OSCP1: variants seen among roughly 807,000 people sequenced by gnomAD.
The protein encoded by OSCP1 is organic solute carrier partner 1, also known as protein OSCP1.
In OSCP1, 35 loss-of-function variants were observed where a neutral mutation model predicts 45.1. That is an observed-to-expected ratio of 0.78 (90% confidence interval 0.59 to 1.03). OSCP1 has a LOEUF of 1.03. Ranked by LOEUF, OSCP1 falls within the 50% of genes least tolerant of loss-of-function variation. OSCP1 has a pLI of 0.00. For missense variants in OSCP1, 400 were observed against 470.7 expected (o/e 0.85, Z 1.39); for synonymous variants, 179 against 180.1 (o/e 0.99, Z 0.05).
At chr1:36,422,074 G>T in intron 7 of OSCP1, 76 bp downstream of exon 7, 2 of 1,400,394 alleles carry the variant, frequency 1.4e-6, no homozygotes, top group Non-Finnish European at 2.0e-6. Context: ...AATCTAAAGC[G>T]TTCTCACCTC....
intron 9 of OSCP1, 87 bp from the exon 10 acceptor site, chr1:36,418,342 C>T: frequency 8.7e-7 from 1 of 1,154,484 alleles, no homozygotes; most frequent in East Asian, 2.4e-5. Context: ...GTTTTTTGTC[C>T]CATGACTGAT....
intron 1 of OSCP1, among the ~76,000 whole-genome samples, chr1:36,441,632 G>A (rs1215992434): frequency 6.6e-6 from 1 of 150,544 alleles, no homozygotes; most frequent in Non-Finnish European, 1.5e-5. Context: ...GGCGCCTGCA[G>A]TCCCAGCTAC....
chr1:36,443,756 T>C (rs1458089949), intron 1 of OSCP1, among the ~76,000 whole-genome samples: 1 of 152,230 alleles, frequency 6.6e-6, no homozygotes, highest in Non-Finnish European at 1.5e-5. Flanking sequence ...AAAGGAGACA[T>C]ATCCCTCAAG....
chr1:36,448,998 G>A (rs1649708114), intron 1 of OSCP1, among the ~76,000 whole-genome samples: 1 of 152,188 alleles, frequency 6.6e-6, no homozygotes, highest in Admixed American at 6.5e-5. Context: ...GTATGTTATA[G>A]GGAGTTATTT....
intron 2 of OSCP1, among the ~76,000 whole-genome samples, chr1:36,434,544 G>A (rs531663387): frequency 5.3e-5 from 8 of 152,226 alleles, no homozygotes; most frequent in African/African-American, 1.7e-4. Flanking sequence ...GAGGTCAGGA[G>A]TTCGAGACCA....
chr1:36,422,169 T>A lies in OSCP1; in HGVS notation c.800A>T (p.Asn267Ile). ...VETHVSGSSK[N>I]LASWTQESIA... is the part of the protein sequence containing the mutation. ...GCTCACCTGGGTCCATGAGGCTAAG[T>A]TCTTTGATGATCCAGACACATGAGT... The change falls in exon 7 of 10, where the codon AAC becomes ATC. Residue 267 changes from asparagine (N) to isoleucine (I), a missense_variant. Transcript: ENST00000235532. 6.2e-7 allele frequency: 1 copy of A among 1,614,126 alleles called. No individual in the cohort carries two copies. Among genetic ancestry groups the A allele is most frequent in the Non-Finnish European group, 8.5e-7 (1 of 1,179,992 alleles).
rs1649585188 is a variant in OSCP1, at chr1:36,447,030, C to A, written c.112+3228G>T. ...AACATCTGCCTTGGCCTTGTGGGAA[C>A]AGGGATGGCCTCCAGGAGACCAATT... On this transcript the variant is annotated intron_variant, in intron 1 of 9. Transcript: ENST00000235532. The surrounding 1 kb of genome is among the most constrained non-coding windows in gnomAD (Gnocchi z 4.1). 6.6e-6 allele frequency among the ~76,000 whole-genome samples: 1 copy of A among 152,166 alleles called. No individual in the cohort carries two copies. The highest frequency in any genetic ancestry group is 2.1e-4 in the South Asian group (1 of 4,832).
intron 2 of OSCP1, among the ~76,000 whole-genome samples, chr1:36,435,091 C>CTTTTT (rs201268337): frequency 6.9e-4 from 87 of 125,746 alleles, no homozygotes; most frequent in Non-Finnish European, 9.0e-4. Flanking sequence ...TTTTCTTTTT[C>CTTTTT]TTTTTTTTTT....
intron 4 of OSCP1, among the ~76,000 whole-genome samples, chr1:36,423,938 TAACA>T: frequency 6.9e-6 from 1 of 144,252 alleles, no homozygotes; most frequent in South Asian, 2.2e-4. Flanking sequence ...AACTGTATTT[TAACA>T]AACAGAACTA....
intron 4 of OSCP1, among the ~76,000 whole-genome samples, chr1:36,430,291 T>G (rs1196035250): frequency 6.6e-6 from 1 of 152,096 alleles, no homozygotes; most frequent in East Asian, 1.9e-4. Context: ...TCCGTCCACC[T>G]TGGCCTCCCA....
intron 2 of OSCP1, among the ~76,000 whole-genome samples, chr1:36,437,614 G>A (rs1390860511): frequency 1.3e-5 from 2 of 152,086 alleles, no homozygotes; most frequent in Non-Finnish European, 2.9e-5. Flanking sequence ...CGCCTCCTGG[G>A]TTCAAGTGAT....
rs1218267161 is a variant in OSCP1, at chr1:36,420,559, C to G, written c.876G>C (p.Leu292=). 1.2e-6 allele frequency: 2 copies of G among 1,614,060 alleles called. No homozygotes were observed. The highest frequency in any genetic ancestry group is 1.7e-6 in the Non-Finnish European group (2 of 1,180,046). Reference sequence around the variant, plus strand: ...GTTTCTTAATCTCCATCCCTCCCATCAGCCTGGCCAAGAAATTCAGCTCTT... The same window carrying G: ...GTTTCTTAATCTCCATCCCTCCCATGAGCCTGGCCAAGAAATTCAGCTCTT... ...AKEELNFLAR[L]MGGMEIKKPS... The change falls in exon 8 of 10, where the codon CTG becomes CTC. Residue 292 remains leucine, a synonymous_variant. Coordinates refer to ENST00000235532, the MANE Select transcript of OSCP1 (RefSeq NM_145047.5).
chr1:36,422,128 G>A (rs1411411942), intron 7 of OSCP1, 22 bp downstream of exon 7: 1 of 1,606,294 alleles, frequency 6.2e-7, no homozygotes, highest in Non-Finnish European at 8.5e-7. Flanking sequence ...TGTGAGGGTA[G>A]GCAAGGAAGG....
chr1:36,422,023 A>G, intron 7 of OSCP1, 127 bp downstream of exon 7: 1 of 870,464 alleles, frequency 1.1e-6, no homozygotes, highest in East Asian at 2.4e-5. Flanking sequence ...GGTGGAATGG[A>G]GAAGATTGCA....
intron 4 of OSCP1, among the ~76,000 whole-genome samples, chr1:36,429,832 A>G (rs1415714179): frequency 1.5e-5 from 2 of 133,434 alleles, no homozygotes; most frequent in Non-Finnish European, 3.2e-5. Context: ...TTTTTTTGAG[A>G]TGGAGTCTTG....
intron 6 of OSCP1, 140 bp from the exon 7 acceptor site, chr1:36,422,359 G>A: frequency 1.2e-6 from 1 of 801,114 alleles, no homozygotes; most frequent in Non-Finnish European, 2.1e-6. Context: ...GAATGCAACT[G>A]AGTGTGTGTT....
chr1:36,426,574 A>G (rs1300121407), intron 4 of OSCP1, among the ~76,000 whole-genome samples: 4 of 151,768 alleles, frequency 2.6e-5, no homozygotes, highest in Non-Finnish European at 4.4e-5. Context: ...CTCTTCCTCA[A>G]CCCTTCAGTT....
chr1:36,423,335 A>G (rs903047565), intron 5 of OSCP1, 28 bp downstream of exon 5: 2 of 1,551,848 alleles, frequency 1.3e-6, no homozygotes, highest in South Asian at 1.1e-5. Flanking sequence ...CACCCCAAAC[A>G]TAGCTCTGAT....
chr1:36,418,267 A>G lies in OSCP1; in HGVS notation c.1024-12T>C, dbSNP rs1647394083. On this transcript the variant is annotated splice_polypyrimidine_tract_variant and intron_variant, in intron 9 of 9. Transcript: ENST00000235532. The stretch of plus-strand genomic sequence containing the variant: ...CTCCGTTGCTGGTCCTATGAGGGAA[A>G]TGAGAGGTAAAAGGGCATGAAGAGG... 1 of 1,613,686 alleles carries G rather than the reference A, an allele frequency of 6.2e-7. No homozygotes were observed.
Sources: gnomAD v4.1 joint callset for allele counts (sites outside exome capture counted in the v4.1 genomes callset) on GRCh38, gnomAD v4.1.1 for gene constraint, Gnocchi (gnomAD v3.1) non-coding constraint, MANE v1.5 for transcripts, NCBI Gene and HGNC (gene_info 2026-07-23, HGNC 2026-07-21) for gene names.